Variants in UTP20 observed in about 807,000 individuals in gnomAD.
The protein encoded by UTP20 is small subunit processome component 20 homolog.
In UTP20, 164 loss-of-function variants were observed where a neutral mutation model predicts 329.5. The ratio of observed to expected loss-of-function variants is 0.50; its 90% CI spans 0.44 to 0.57. The LOEUF (loss-of-function observed/expected upper bound fraction) is 0.57, where lower values mean the gene tolerates loss of function less well. Ranked by LOEUF, UTP20 falls within the 20% of genes least tolerant of loss-of-function variation. The probability of loss-of-function intolerance (pLI) is 0.00; values close to 1 mark genes in which losing one functional copy is unlikely to be tolerated. For synonymous variants in UTP20, 1,151 were observed against 1,159.3 expected, an observed-to-expected ratio of 0.99 and a Z score of 0.14; for missense variants, 3,055 against 3,284.2, an observed-to-expected ratio of 0.93 and a Z score of 1.71.
intron 25 of UTP20, among the ~76,000 whole-genome samples, chr12:101,325,011 G>A (rs1868507457): frequency 6.6e-6 from 1 of 151,908 alleles, no homozygotes; most frequent in African/African-American, 2.4e-5. Flanking sequence ...ACTTTTATTA[G>A]CGTTAGTAGT....
At chr12:101,369,325 G>A (rs959140437) in intron 48 of UTP20, among the ~76,000 whole-genome samples, 1 of 152,076 alleles carries the variant, frequency 6.6e-6, no homozygotes, top group Non-Finnish European at 1.5e-5. Context: ...CTATAAGTAG[G>A]TTAAAAATAT....
intron 32 of UTP20, 132 bp from the exon 33 acceptor site, chr12:101,342,314 A>G: frequency 1.4e-6 from 1 of 724,212 alleles, no homozygotes; most frequent in Non-Finnish European, 2.0e-6. Context: ...TTAAAAGACG[A>G]TAAAATAATT....
chr12:101,386,300 G>T lies in UTP20; in HGVS notation c.*177G>T. On this transcript the variant is annotated 3_prime_UTR_variant, in exon 62 of 62. Coordinates refer to ENST00000261637, the MANE Select transcript of UTP20 (RefSeq NM_014503.3). ...TCACAGCTCACTGCAGCCTCAACCTGGGTTCAAGTGATCCTCTCACCTCAG... is the reference window on the plus strand; with the variant it reads ...TCACAGCTCACTGCAGCCTCAACCTTGGTTCAAGTGATCCTCTCACCTCAG... 1.9e-6 allele frequency: 1 copy of T among 521,562 alleles called. No homozygotes were observed. Among genetic ancestry groups the T allele is most frequent in the Non-Finnish European group, 3.2e-6 (1 of 308,952 alleles). The allele number at this position is 521,562 out of a possible 1,614,324, so 32.3% of individuals were successfully genotyped here. A position where few individuals can be genotyped will look rare whatever the true frequency, so the allele number is the denominator to read the frequency against.
At chr12:101,329,009 GT>G (rs1476333002) in intron 26 of UTP20, among the ~76,000 whole-genome samples, 3 of 152,074 alleles carry the variant, frequency 2.0e-5, no homozygotes, top group Non-Finnish European at 4.4e-5. Flanking sequence ...TTATTCCTTA[GT>G]TTCTTCTTCT....
chr12:101,338,896 G>A lies in UTP20; in HGVS notation c.3952G>A (p.Glu1318Lys), dbSNP rs1490937977. The A allele has an allele frequency of 2.5e-6, 4 of 1,611,410 alleles. No individual in the cohort carries two copies. Among genetic ancestry groups the A allele is most frequent in the Non-Finnish European group, 3.4e-6 (4 of 1,179,346 alleles). Residue 1318 changes from glutamate to lysine, a missense_variant, in exon 31 of 62, where the codon GAA becomes AAA. Around this residue, in one of 3 missense-constraint regions of UTP20, gnomAD observed 2,445 missense variants for 2,575.5 expected, o/e 0.95. Transcript: ENST00000261637. Reference sequence around the variant, plus strand: ...TCTCAGCAAAACCACAATAAGCGCAGAAAAGGTGAAAAAGAAAAAGAATAG... The same window carrying A: ...TCTCAGCAAAACCACAATAAGCGCAAAAAAGGTGAAAAAGAAAAAGAATAG... The part of the protein sequence containing the change: ...QYLSKTTISA[E>K]KVKKKKNRAQ...
At chr12:101,326,736 T>C (rs1868570482) in intron 25 of UTP20, 1 of 157,820 alleles carries the variant, frequency 6.3e-6, no homozygotes, top group Non-Finnish European at 1.4e-5. Flanking sequence ...GCTTTGTTTT[T>C]TGTTGTGTTT....
chr12:101,379,677 C>G, intron 57 of UTP20, 119 bp downstream of exon 57: 1 of 1,092,574 alleles, frequency 9.2e-7, no homozygotes, highest in Non-Finnish European at 1.3e-6. Flanking sequence ...ATTTGTTGTA[C>G]AGGTGAATCA....
chr12:101,366,645 A>G lies in UTP20; in HGVS notation c.6213A>G (p.Lys2071=). The part of the protein sequence containing the change: ...LPPTPVRGGQ[K]AVVSRKTNMH... ...CAACTCCAGTTCGAGGTGGACAGAA[A>G]GCTGTTGTGAGCAGGAAAACCAACA... The change falls in exon 47 of 62, where the codon AAA becomes AAG. Residue 2071 remains lysine, a synonymous_variant. Coordinates refer to ENST00000261637, the MANE Select transcript of UTP20 (RefSeq NM_014503.3). 6.2e-7 allele frequency: 1 copy of G among 1,614,168 alleles called. No homozygotes were observed. Among genetic ancestry groups the G allele is most frequent in the Non-Finnish European group, 8.5e-7 (1 of 1,180,032 alleles).
chr12:101,371,231 G>A, intron 51 of UTP20, 63 bp downstream of exon 51: 1 of 1,215,104 alleles, frequency 8.2e-7, no homozygotes, highest in South Asian at 1.5e-5. Flanking sequence ...TGTGGCAGAG[G>A]TGTCAACACT....
At chr12:101,341,669 G>C (rs1277695702) in intron 32 of UTP20, among the ~76,000 whole-genome samples, 1 of 152,186 alleles carries the variant, frequency 6.6e-6, no homozygotes, top group Admixed American at 6.5e-5. Context: ...CACTTTGGGA[G>C]GCCAAGGCAG....
chr12:101,297,420 G>C (rs906807930), intron 12 of UTP20, among the ~76,000 whole-genome samples: 2 of 151,998 alleles, frequency 1.3e-5, no homozygotes, highest in African/African-American at 4.8e-5. Flanking sequence ...TCGCTATGTT[G>C]CCCAGGCTGG....
rs151210787 is a variant in UTP20 at position 101,288,180 on chromosome 12, A to G, written c.516-780A>G. ...TATTTTATCCTGTATATTGCTGCCA[A>G]ATTAGTCTTTCTGAAAATGGTCATT... On this transcript the variant is annotated intron_variant, in intron 5 of 61. Transcript: ENST00000261637. Among the ~76,000 whole-genome samples, 712 of 152,306 alleles carry G rather than the reference A, an allele frequency of 4.7e-3. 2 individuals carry two copies. Among genetic ancestry groups the G allele is most frequent in the African/African-American group, 0.015 (606 of 41,548 alleles).
intron 57 of UTP20, among the ~76,000 whole-genome samples, chr12:101,379,913 G>A (rs770392231): frequency 1.3e-4 from 20 of 151,426 alleles, no homozygotes; most frequent in Non-Finnish European, 2.5e-4. Flanking sequence ...TCTGCCTCCC[G>A]AATTCAAGGG....
At chr12:101,287,907 C>T (rs956375472) in intron 5 of UTP20, among the ~76,000 whole-genome samples, 16 of 152,160 alleles carry the variant, frequency 1.1e-4, no homozygotes, top group African/African-American at 3.4e-4. Flanking sequence ...TTTAGGTGGC[C>T]GAGCAGCCTG....
At chr12:101,324,091 C>T (rs1260894200) in intron 25 of UTP20, among the ~76,000 whole-genome samples, 2 of 151,640 alleles carry the variant, frequency 1.3e-5, no homozygotes, top group South Asian at 2.1e-4. Flanking sequence ...GAGCTGAGAT[C>T]GCGCCACTGT....
intron 55 of UTP20, 46 bp from the exon 56 acceptor site, chr12:101,375,578 C>T (rs753573976): frequency 1.4e-5 from 22 of 1,601,178 alleles, no homozygotes; most frequent in South Asian, 1.4e-4. Context: ...CCATCAGATA[C>T]TTTCAGATTG....
At chr12:101,328,011 G>C (rs1310037279) in intron 26 of UTP20, among the ~76,000 whole-genome samples, 2 of 152,178 alleles carry the variant, frequency 1.3e-5, no homozygotes, top group East Asian at 3.8e-4. Flanking sequence ...AAGTGGTAGA[G>C]TTGGGATTCA....
At chr12:101,379,591 G>A (rs1322528443) in intron 57 of UTP20, 33 bp downstream of exon 57, 8 of 1,586,958 alleles carry the variant, frequency 5.0e-6, no homozygotes, top group East Asian at 2.2e-5. Flanking sequence ...TCCTTCCCTC[G>A]TGACTGTAAG....
chr12:101,379,778 A>G (rs1401493108), intron 57 of UTP20, among the ~76,000 whole-genome samples: 1 of 152,100 alleles, frequency 6.6e-6, no homozygotes, highest in African/African-American at 2.4e-5. Context: ...TCAGACTTCT[A>G]ATTTGCTTAT....
Sources: allele counts gnomAD v4.1 joint callset (sites outside exome capture counted in the v4.1 genomes callset), GRCh38; gene constraint gnomAD v4.1.1; regional missense constraint gnomAD v4.1.1; transcripts MANE v1.5; gene names NCBI Gene and HGNC (gene_info 2026-07-23, HGNC 2026-07-21).